Variants in NAT10 observed in about 807,000 individuals in gnomAD.
NAT10 encodes N-acetyltransferase 10, also known as RNA cytidine acetyltransferase.
Under a neutral mutation model 132.2 loss-of-function variants are expected in NAT10, and 109 were observed. The observed-to-expected ratio is 0.82, with a 90% confidence interval of 0.71 to 0.97. The LOEUF is 0.97. NAT10 is among the 50% of genes least tolerant of loss of function. The pLI is 0.00. For missense variants in NAT10, 1,184 were observed against 1,263.4 expected, an observed-to-expected ratio of 0.94 and a Z score of 0.95; for synonymous variants, 479 against 478.0, an observed-to-expected ratio of 1.00 and a Z score of -0.03.
chr11:34,135,700 T>TG (rs1177888814), intron 19 of NAT10, among the ~76,000 whole-genome samples: 11 of 152,216 alleles, frequency 7.2e-5, no homozygotes. Flanking sequence ...GCCTTTCATG[T>TG]GCATTCATTG....
intron 14 of NAT10, 55 bp from the exon 15 acceptor site, chr11:34,132,062 AGAGAGTAG>A: frequency 8.1e-7 from 1 of 1,236,420 alleles, no homozygotes; most frequent in East Asian, 2.3e-5. Flanking sequence ...TTCTGCCTCC[AGAGAGTAG>A]TATGACCTGT....
intron 8 of NAT10, among the ~76,000 whole-genome samples, chr11:34,120,480 G>A (rs893646245): frequency 3.3e-5 from 5 of 152,164 alleles, no homozygotes; most frequent in Non-Finnish European, 7.4e-5. Flanking sequence ...TCATTGCCTA[G>A]GCAAGCATGA....
intron 21 of NAT10, among the ~76,000 whole-genome samples, chr11:34,137,586 G>A (rs1852240199): frequency 6.6e-6 from 1 of 152,184 alleles, no homozygotes; most frequent in Non-Finnish European, 1.5e-5. Context: ...CTGCAGGAGG[G>A]CACGGAGCTC....
chr11:34,108,180 G>T lies in NAT10; in HGVS notation c.-15-31G>T, dbSNP rs749034376. On this transcript the variant is annotated intron_variant, in intron 1 of 28. Transcript: ENST00000257829. ...TAATGTTCCTTAGACAATCTAGTGC[G>T]CATGGCCAGTTGTATTTCTTTCTCT... 8 of 1,455,368 alleles carry T rather than the reference G, an allele frequency of 5.5e-6. No homozygotes were observed. The South Asian group carries it at 8.0e-5, about 15-fold the overall frequency. 90.2% of individuals were successfully genotyped at this position (1,455,368 alleles called of 1,614,324 possible).
chr11:34,112,580 A>G (rs568337865), intron 4 of NAT10, among the ~76,000 whole-genome samples: 1 of 152,318 alleles, frequency 6.6e-6, no homozygotes, highest in East Asian at 1.9e-4. Flanking sequence ...TCCAGTGAGC[A>G]ATGGGACTTG....
At chr11:34,137,612 A>AT (rs1279201560) in intron 21 of NAT10, among the ~76,000 whole-genome samples, 1 of 152,216 alleles carries the variant, frequency 6.6e-6, no homozygotes, top group African/African-American at 2.4e-5. Context: ...TGTTGTGTTC[A>AT]TTGCTGTATT....
intron 8 of NAT10, among the ~76,000 whole-genome samples, chr11:34,121,490 T>C (rs1021956800): frequency 6.6e-6 from 1 of 152,104 alleles, no homozygotes; most frequent in African/African-American, 2.4e-5. Context: ...GGGGCAACTT[T>C]AGGCGTTCAG....
chr11:34,126,242 C>A (rs1008935288), intron 11 of NAT10, among the ~76,000 whole-genome samples: 1 of 152,182 alleles, frequency 6.6e-6, no homozygotes, highest in Non-Finnish European at 1.5e-5. Flanking sequence ...AGTCCCTCAA[C>A]CCCTTTCCAT....
chr11:34,121,819 C>A (rs1039718971), intron 8 of NAT10, among the ~76,000 whole-genome samples: 9 of 130,442 alleles, frequency 6.9e-5, no homozygotes, highest in Non-Finnish European at 1.2e-4. Context: ...GAGATCATGC[C>A]ACTGCACTCC....
Position 34,122,515 on chromosome 11 carries a change from T to G in NAT10, c.837T>G (p.Thr279=), listed in dbSNP as rs113578380. The G allele has an allele frequency of 5.6e-6, 9 of 1,614,226 alleles. No individual in the cohort carries two copies. The highest frequency in any genetic ancestry group is 1.6e-4 in the Middle Eastern group (1 of 6,062). Reference sequence around the variant, plus strand: ...TCTCTGAAAAGACCCTGAGGAGTACTGTTGCACTCACAGCTGCTCGAGGAC... The same window carrying G: ...TCTCTGAAAAGACCCTGAGGAGTACGGTTGCACTCACAGCTGCTCGAGGAC... ...EGISEKTLRS[T]VALTAARGRG... is the part of the protein sequence containing the mutation. Residue 279 remains threonine (T), a synonymous_variant, in exon 9 of 29, where the codon ACT becomes ACG. Coordinates refer to ENST00000257829, the MANE Select transcript of NAT10 (RefSeq NM_024662.3).
Position 34,139,241 on chromosome 11 carries a change from T to C in NAT10, c.2262T>C (p.Asp754=). The C allele has an allele frequency of 6.2e-7, 1 of 1,613,628 alleles. No individual in the cohort carries two copies. Residue 754 remains aspartate, a synonymous_variant, in exon 22 of 29, where the codon GAT becomes GAC. Coordinates refer to ENST00000257829, the MANE Select transcript of NAT10 (RefSeq NM_024662.3). ...HSCIMLKTLT[D]EDEADQGGWL... is the part of the protein sequence containing the mutation. Reference sequence around the variant, plus strand: ...GCATCATGCTGAAGACGCTCACTGATGAGGATGAGGCTGACCAGGGAGGCT... The same window carrying C: ...GCATCATGCTGAAGACGCTCACTGACGAGGATGAGGCTGACCAGGGAGGCT...
At chr11:34,113,944 C>A in intron 5 of NAT10, 106 bp downstream of exon 5, 2 of 1,357,250 alleles carry the variant, frequency 1.5e-6, no homozygotes, top group Non-Finnish European at 2.0e-6. Context: ...AGTGAGTAGT[C>A]AGCACAGCCT....
At chr11:34,141,430 A>T (rs933079928) in intron 25 of NAT10, among the ~76,000 whole-genome samples, 3 of 151,630 alleles carry the variant, frequency 2.0e-5, no homozygotes, top group Non-Finnish European at 4.4e-5. Context: ...ACACACACAC[A>T]CACACACACA....
At chr11:34,123,518 G>C (rs1219901065) in intron 9 of NAT10, among the ~76,000 whole-genome samples, 1 of 152,210 alleles carries the variant, frequency 6.6e-6, no homozygotes, top group African/African-American at 2.4e-5. Context: ...CAGTCTGTCT[G>C]TTCTGCACAC....
chr11:34,142,464 G>A lies in NAT10; in HGVS notation c.2885+116G>A, dbSNP rs572585474. 60 of 837,720 alleles carry A rather than the reference G, an allele frequency of 7.2e-5. No individual in the cohort carries two copies. In the African/African-American group the frequency reaches 9.4e-4, roughly 13 times the overall value. 51.9% of individuals were successfully genotyped at this position (837,720 alleles called of 1,614,324 possible). A position where few individuals can be genotyped will look rare whatever the true frequency, so the allele number is the denominator to read the frequency against. ...CTGGAAAGTGTCTTTCATGGGATCAGTTTTAGGGATGCTAACAGTTCTATT... is the reference window on the plus strand; with the variant it reads ...CTGGAAAGTGTCTTTCATGGGATCAATTTTAGGGATGCTAACAGTTCTATT... On this transcript the variant is annotated intron_variant, in intron 27 of 28. Transcript: ENST00000257829.
chr11:34,146,308 C>A lies in NAT10; in HGVS notation c.*116C>A. The A allele has an allele frequency of 1.3e-6, 1 of 741,672 alleles. No homozygotes were observed. Among genetic ancestry groups the A allele is most frequent in the Non-Finnish European group, 2.2e-6 (1 of 463,976 alleles). 45.9% of individuals were successfully genotyped at this position (741,672 alleles called of 1,614,324 possible). On this transcript the variant is annotated 3_prime_UTR_variant, in exon 29 of 29. Coordinates refer to ENST00000257829, the MANE Select transcript of NAT10 (RefSeq NM_024662.3). ...GGCCCCGGCACACCTGGAAGCTGGCCGCGAATTCGGCCTCTGGGCCTGTGT... is the reference window on the plus strand; with the variant it reads ...GGCCCCGGCACACCTGGAAGCTGGCAGCGAATTCGGCCTCTGGGCCTGTGT...
intron 3 of NAT10, among the ~76,000 whole-genome samples, chr11:34,109,547 C>T (rs1391453867): frequency 6.6e-6 from 1 of 152,218 alleles, no homozygotes; most frequent in Non-Finnish European, 1.5e-5. Context: ...CTCTCTCTTT[C>T]TCCTCCTTTT....
chr11:34,131,717 C>G (rs1425236369), intron 14 of NAT10, among the ~76,000 whole-genome samples, 186 bp downstream of exon 14: 1 of 137,298 alleles, frequency 7.3e-6, no homozygotes, highest in Admixed American at 8.1e-5. Flanking sequence ...GATGGAGTCT[C>G]GCTCTGTCAC....
At chr11:34,135,802 A>G (rs1852199277) in intron 19 of NAT10, among the ~76,000 whole-genome samples, 1 of 152,154 alleles carries the variant, frequency 6.6e-6, no homozygotes, top group African/African-American at 2.4e-5. Flanking sequence ...ATCTCTACAA[A>G]AAATACAAAA....
Sources: allele counts gnomAD v4.1 joint callset (sites outside exome capture counted in the v4.1 genomes callset), GRCh38; gene constraint gnomAD v4.1.1; transcripts MANE v1.5; gene names NCBI Gene and HGNC (gene_info 2026-07-23, HGNC 2026-07-21).